The following EHD4 variants were observed in gnomAD, a reference collection of about 807,000 sequenced individuals.
EHD4 encodes EH domain-containing protein 4.
Under a neutral mutation model 51.0 loss-of-function variants are expected in EHD4, and 37 were observed. That is an observed-to-expected ratio of 0.73 (90% CI 0.56 to 0.95). EHD4 has a LOEUF of 0.95. Ranked by LOEUF, EHD4 falls within the 40% of genes least tolerant of loss-of-function variation. The pLI is 0.00. For missense variants in EHD4, 632 were observed against 733.1 expected, an observed-to-expected ratio of 0.86 and a Z score of 1.59; for synonymous variants, 297 against 317.3, an observed-to-expected ratio of 0.94 and a Z score of 0.68.
chr15:41,925,883 G>T (rs1340397525), intron 3 of EHD4, among the ~76,000 whole-genome samples: 1 of 152,202 alleles, frequency 6.6e-6, no homozygotes, highest in Non-Finnish European at 1.5e-5. Context: ...ATCCTGGCCA[G>T]AGAAAGAGCC....
intron 1 of EHD4, among the ~76,000 whole-genome samples, chr15:41,970,716 CA>C (rs2067989652): frequency 6.6e-6 from 1 of 152,178 alleles, no homozygotes; most frequent in African/African-American, 2.4e-5. Flanking sequence ...ACAGCAAAGA[CA>C]AACAGGAGGA....
At chr15:41,963,213 C>G (rs1458716832) in intron 1 of EHD4, among the ~76,000 whole-genome samples, 1 of 151,438 alleles carries the variant, frequency 6.6e-6, no homozygotes, top group Non-Finnish European at 1.5e-5. Flanking sequence ...ACATGTTTAT[C>G]TGCTGACCTT....
In EHD4 at chr15:41,896,008, G is replaced by T. The variant is rs2067435924; in HGVS notation, c.*4637C>A. On this transcript the variant is annotated 3_prime_UTR_variant, in exon 6 of 6. Transcript: ENST00000220325. ...TTTAGAGACAGGGTCTTCTTAGGTT[G>T]CCCAGGCTGGTCTTGAACTCCTGGC... The T allele has an allele frequency of 6.6e-6, 1 of 152,054 alleles. No individual in the cohort carries two copies. The highest frequency in any genetic ancestry group is 2.4e-5 in the African/African-American group (1 of 41,390). The allele number at this position is 152,054 out of a possible 1,614,324, so 9.4% of individuals were successfully genotyped here.
chr15:41,900,693 G>C lies in EHD4; in HGVS notation c.1578C>G (p.Pro526=), dbSNP rs139620303. Residue 526 remains proline, a synonymous_variant, in exon 6 of 6, where the codon CCC becomes CCG. Coordinates refer to ENST00000220325, the MANE Select transcript of EHD4 (RefSeq NM_139265.4). The surrounding 1 kb of genome is among the most constrained non-coding windows in gnomAD (Gnocchi z 4.8). Reference sequence around the variant, plus strand: ...TCCTGTGCGAGGGGGGCACGAGGTGGGGGGGCAGGCTGCTGGGCAGCTCGT... The same window carrying C: ...TCCTGTGCGAGGGGGGCACGAGGTGCGGGGGCAGGCTGCTGGGCAGCTCGT... The part of the protein sequence containing the change: ...DGYELPSSLP[P]HLVPPSHRKS... 5 of 1,606,052 alleles carry C rather than the reference G, an allele frequency of 3.1e-6. No homozygotes were observed. In the African/African-American group the frequency reaches 5.3e-5, roughly 17 times the overall value.
chr15:41,919,492 G>A lies in EHD4; in HGVS notation c.642C>T (p.Asp214=), dbSNP rs370042939. ...SEAIKAFRGQ[D]DKIRVVLNKA... is the part of the protein sequence containing the mutation. ...TGTTCAGCACGACACGGATCTTGTCGTCCTGGCCCCGGAAGGCCTTGATGG... is the reference window on the plus strand; with the variant it reads ...TGTTCAGCACGACACGGATCTTGTCATCCTGGCCCCGGAAGGCCTTGATGG... Residue 214 remains aspartate, a synonymous_variant, in exon 4 of 6, where the codon GAC becomes GAT. Coordinates refer to ENST00000220325, the MANE Select transcript of EHD4 (RefSeq NM_139265.4). 2.1e-5 allele frequency: 32 copies of A among 1,554,910 alleles called. No individual in the cohort carries two copies. The highest frequency in any genetic ancestry group is 2.5e-5 in the Non-Finnish European group (29 of 1,153,264).
At chr15:41,971,935 G>A (rs1219676774) in intron 1 of EHD4, among the ~76,000 whole-genome samples, 1 of 152,216 alleles carries the variant, frequency 6.6e-6, no homozygotes, top group African/African-American at 2.4e-5. Flanking sequence ...TCACTCCCTC[G>A]TCAAGAATAT....
chr15:41,912,778 C>T (rs1362347555), intron 4 of EHD4, among the ~76,000 whole-genome samples: 1 of 152,152 alleles, frequency 6.6e-6, no homozygotes, highest in Non-Finnish European at 1.5e-5. Context: ...AAGTGACCCC[C>T]CAATATCTAC....
chr15:41,902,950 G>A (rs1329588217), intron 5 of EHD4, among the ~76,000 whole-genome samples: 1 of 150,944 alleles, frequency 6.6e-6, no homozygotes, highest in Non-Finnish European at 1.5e-5. Flanking sequence ...GGGACCCCTG[G>A]GGACCCTCAC....
intron 3 of EHD4, among the ~76,000 whole-genome samples, chr15:41,922,312 C>T (rs955335082): frequency 1.1e-4 from 17 of 152,178 alleles, no homozygotes; most frequent in African/African-American, 4.1e-4. Flanking sequence ...TCACTTGAGG[C>T]CAGGAGTTTG....
chr15:41,940,920 G>A (rs1451433082), intron 3 of EHD4, among the ~76,000 whole-genome samples: 3 of 152,112 alleles, frequency 2.0e-5, no homozygotes, highest in African/African-American at 4.8e-5. Flanking sequence ...GCCAAAATCC[G>A]GAGGCCTTAA....
intron 5 of EHD4, among the ~76,000 whole-genome samples, chr15:41,901,618 G>A (rs533143636): frequency 1.3e-5 from 2 of 152,346 alleles, no homozygotes; most frequent in African/African-American, 4.8e-5. Context: ...AGTCAAAGCA[G>A]AGCCCCTGTC....
intron 5 of EHD4, among the ~76,000 whole-genome samples, chr15:41,903,689 G>C (rs190440847): frequency 6.6e-6 from 1 of 152,270 alleles, no homozygotes; most frequent in Admixed American, 6.5e-5. Flanking sequence ...CTCTAGGGTG[G>C]CAGGGCAGGA....
chr15:41,951,190 T>C (rs186741178), intron 2 of EHD4, among the ~76,000 whole-genome samples: 1 of 152,258 alleles, frequency 6.6e-6, no homozygotes, highest in African/African-American at 2.4e-5. Context: ...TCCCCCTCCA[T>C]TGAGGATAAC....
chr15:41,969,471 G>A (rs766587229), intron 1 of EHD4, among the ~76,000 whole-genome samples: 7 of 152,134 alleles, frequency 4.6e-5, no homozygotes, highest in Non-Finnish European at 8.8e-5. Context: ...GCTTGAACCC[G>A]GGAGGGGGAG....
chr15:41,945,714 G>A (rs1317601686), intron 2 of EHD4, among the ~76,000 whole-genome samples: 1 of 152,298 alleles, frequency 6.6e-6, no homozygotes, highest in East Asian at 1.9e-4. Context: ...AGTTATGCTG[G>A]GATCAGAAAA....
chr15:41,972,152 C>T, intron 1 of EHD4, 107 bp downstream of exon 1: 1 of 1,173,306 alleles, frequency 8.5e-7, no homozygotes, highest in Non-Finnish European at 1.1e-6. Flanking sequence ...GAGGGGTCCC[C>T]GAGGTCGCGC....
rs1327364338 is a variant in EHD4, at chr15:41,900,821, G to A, written c.1450C>T (p.Leu484=). 3 of 1,614,198 alleles carry A rather than the reference G, an allele frequency of 1.9e-6. No individual in the cohort carries two copies. Residue 484 remains leucine, a synonymous_variant, in exon 6 of 6, where the codon CTG becomes TTG. Transcript: ENST00000220325. This position sits in a 1 kb window ranked among gnomAD's most constrained non-coding sequence, Gnocchi z 4.8. ...MVTSKLPNSV[L]GKIWKLADCD... ...TCGGCCAGCTTCCAGATCTTGCCCA[G>A]GACGCTGTTGGGCAGCTTGGAGGTC...
chr15:41,946,546 T>C (rs751193676), intron 2 of EHD4, among the ~76,000 whole-genome samples: 6 of 152,088 alleles, frequency 3.9e-5, no homozygotes, highest in Non-Finnish European at 5.9e-5. Flanking sequence ...CTGGGCACCA[T>C]AATGAGACTT....
intron 1 of EHD4, among the ~76,000 whole-genome samples, chr15:41,960,041 A>G (rs1739748647): frequency 6.6e-6 from 1 of 152,178 alleles, no homozygotes. Context: ...TGGGAGAATC[A>G]AGCATTTATT....
Sources: allele counts gnomAD v4.1 joint callset (sites outside exome capture counted in the v4.1 genomes callset), GRCh38; gene constraint gnomAD v4.1.1; non-coding constraint Gnocchi (gnomAD v3.1); transcripts MANE v1.5; gene names NCBI Gene and HGNC (gene_info 2026-07-23, HGNC 2026-07-21).